MANBA: variants seen among roughly 807,000 people sequenced by gnomAD.
MANBA encodes the protein beta-mannosidase.
Under a neutral mutation model 111.1 loss-of-function variants are expected in MANBA, and 83 were observed. The ratio of observed to expected loss-of-function variants is 0.75; its 90% CI spans 0.63 to 0.90. The LOEUF (loss-of-function observed/expected upper bound fraction) is 0.90. MANBA is among the 40% of genes least tolerant of loss of function. MANBA has a pLI of 0.00. For synonymous variants in MANBA, 370 were observed against 378.7 expected, an observed-to-expected ratio of 0.98 and a Z score of 0.27; for missense variants, 1,036 against 1,069.0, an observed-to-expected ratio of 0.97 and a Z score of 0.43.
chr4:102,673,232 C>T (rs1403647115), intron 8 of MANBA, among the ~76,000 whole-genome samples: 1 of 152,136 alleles, frequency 6.6e-6, no homozygotes, highest in Non-Finnish European at 1.5e-5. Context: ...ATGGGGTTGG[C>T]CCGGTGGCTT....
At chr4:102,740,527 A>G (rs1723363987) in intron 1 of MANBA, among the ~76,000 whole-genome samples, 1 of 152,192 alleles carries the variant, frequency 6.6e-6, no homozygotes, top group Admixed American at 6.5e-5. Flanking sequence ...GAGATATCAC[A>G]TTACCTGACT....
intron 1 of MANBA, among the ~76,000 whole-genome samples, chr4:102,743,375 G>A (rs758621211): frequency 6.6e-6 from 1 of 152,190 alleles, no homozygotes; most frequent in Non-Finnish European, 1.5e-5. Context: ...CCCACCCACT[G>A]AGAAGATTTC....
chr4:102,668,226 T>C (rs1304439312), intron 10 of MANBA: 2 of 152,416 alleles, frequency 1.3e-5, no homozygotes, highest in Non-Finnish European at 2.9e-5. Flanking sequence ...ACACAGCTCA[T>C]AAACCTCAGA....
chr4:102,669,791 TAA>T (rs1227725370), intron 9 of MANBA, among the ~76,000 whole-genome samples: 3 of 152,028 alleles, frequency 2.0e-5, no homozygotes, highest in African/African-American at 7.2e-5. Flanking sequence ...CCATCCTGGC[TAA>T]CACGGTGAAA....
intron 1 of MANBA, among the ~76,000 whole-genome samples, chr4:102,733,882 T>A (rs995024705): frequency 1.3e-5 from 2 of 152,258 alleles, no homozygotes; most frequent in Admixed American, 6.5e-5. Context: ...TGTTGTAATT[T>A]TGTCTTTTGA....
Position 102,734,484 on chromosome 4 carries a change from C to T in MANBA, c.178-7801G>A. The stretch of plus-strand genomic sequence containing the variant: ...CATCTGTGTGCTGGCCATCATCATA[C>T]CCATTCCCAAGTTCCACGAGGTGGA... On this transcript the variant is annotated intron_variant, in intron 1 of 16. Transcript: ENST00000647097. The T allele has an allele frequency of 3.1e-6, 5 of 1,604,298 alleles. No individual in the cohort carries two copies. The South Asian group carries it at 5.5e-5, about 18-fold the overall frequency.
chr4:102,652,454 C>T (rs1730377873), intron 12 of MANBA, among the ~76,000 whole-genome samples: 2 of 152,060 alleles, frequency 1.3e-5, no homozygotes, highest in Admixed American at 6.6e-5. Flanking sequence ...GGCTTTCTAC[C>T]TTCTCATAAC....
intron 1 of MANBA, among the ~76,000 whole-genome samples, chr4:102,750,318 T>C (rs1235052357): frequency 1.3e-5 from 2 of 152,138 alleles, no homozygotes; most frequent in African/African-American, 2.4e-5. Context: ...TAGTTTTTTT[T>C]TTATTTAAAA....
intron 11 of MANBA, chr4:102,659,076 G>A (rs1387706614): frequency 6.6e-6 from 1 of 152,216 alleles, no homozygotes; most frequent in East Asian, 1.9e-4. Context: ...GAGAGAAAGA[G>A]AGAGAATCTA....
At chr4:102,700,532 G>T (rs962957103) in intron 5 of MANBA, among the ~76,000 whole-genome samples, 1 of 152,026 alleles carries the variant, frequency 6.6e-6, no homozygotes, top group African/African-American at 2.4e-5. Flanking sequence ...TGCTTTGAAT[G>T]TGTCCCAGAG....
intron 10 of MANBA, chr4:102,668,628 T>C (rs149495271): frequency 0.012 from 3,266 of 276,124 alleles, 57 homozygotes; most frequent in South Asian, 0.042. Flanking sequence ...AGAAGCAAGA[T>C]TGGGGAGGGG....
chr4:102,737,124 G>C (rs1411395946), intron 1 of MANBA, among the ~76,000 whole-genome samples: 1 of 152,182 alleles, frequency 6.6e-6, no homozygotes, highest in Non-Finnish European at 1.5e-5. Context: ...GGGAAGGGAA[G>C]GCACCCAGCA....
At chr4:102,663,912 A>G (rs1731083306) in intron 11 of MANBA, among the ~76,000 whole-genome samples, 1 of 152,232 alleles carries the variant, frequency 6.6e-6, no homozygotes, top group Non-Finnish European at 1.5e-5. Context: ...TGGTGCAAAG[A>G]GAACCACTAT....
chr4:102,716,728 GTTTGGGTCATACA>G (rs1351664641), intron 4 of MANBA, among the ~76,000 whole-genome samples: 2 of 152,122 alleles, frequency 1.3e-5, no homozygotes, highest in Non-Finnish European at 2.9e-5. Flanking sequence ...AAAGGAATAA[GTTTGGGTCATACA>G]TTTTATGGGG....
At chr4:102,636,505 G>C (rs1729640702) in intron 14 of MANBA, among the ~76,000 whole-genome samples, 1 of 152,186 alleles carries the variant, frequency 6.6e-6, no homozygotes. Flanking sequence ...GTGCATGACT[G>C]TATATAATAA....
At chr4:102,669,706 C>T (rs1731400553) in intron 9 of MANBA, among the ~76,000 whole-genome samples, 1 of 151,892 alleles carries the variant, frequency 6.6e-6, no homozygotes, top group Admixed American at 6.6e-5. Flanking sequence ...TTAGGCCAGG[C>T]ACGGTGGCTC....
intron 1 of MANBA, chr4:102,734,406 T>C: frequency 3.1e-6 from 5 of 1,610,482 alleles, no homozygotes; most frequent in Non-Finnish European, 4.2e-6. Flanking sequence ...TGAGCCCACT[T>C]TCCTGGAGAA....
intron 1 of MANBA, among the ~76,000 whole-genome samples, chr4:102,736,593 T>C (rs1386295043): frequency 6.6e-6 from 1 of 152,252 alleles, no homozygotes; most frequent in Non-Finnish European, 1.5e-5. Context: ...CGTTGTTTTC[T>C]TAGACACTTG....
In MANBA at chr4:102,632,061, T is replaced by G. The variant is rs761261630; in HGVS notation, c.2636A>C (p.Tyr879Ser). 23 of 1,593,676 alleles carry G rather than the reference T, an allele frequency of 1.4e-5. No individual in the cohort carries two copies. The highest frequency in any genetic ancestry group is 1.9e-5 in the Non-Finnish European group (22 of 1,163,092). The change falls in exon 17 of 17, where the codon TAC becomes TCC. Residue 879 changes from tyrosine to serine, a missense_variant. Coordinates refer to ENST00000647097, the MANE Select transcript of MANBA (RefSeq NM_005908.4). ...SFHVTSLTDI[Y>S] is the part of the protein sequence containing the mutation. ...GAAAATACAACCTAGATTCCTTCAG[T>G]AAATATCTGTTAAGGAGGTCACATG...
Sources: allele counts gnomAD v4.1 joint callset (sites outside exome capture counted in the v4.1 genomes callset), GRCh38; gene constraint gnomAD v4.1.1; transcripts MANE v1.5; gene names NCBI Gene and HGNC (gene_info 2026-07-23, HGNC 2026-07-21).